SS18: variants seen among roughly 807,000 people sequenced by gnomAD.
SS18 encodes SS18 subunit of BAF chromatin remodeling complex.
In SS18, 28 loss-of-function variants were observed where a neutral mutation model predicts 72.5. The observed-to-expected ratio is 0.39, with a 90% CI of 0.29 to 0.53. The LOEUF (loss-of-function observed/expected upper bound fraction) is 0.53, where lower values mean the gene tolerates loss of function less well. SS18 is among the 20% of genes least tolerant of loss of function. SS18 has a pLI of 0.76. For missense variants in SS18, 518 were observed against 535.3 expected (o/e 0.97, Z 0.32); for synonymous variants, 172 against 164.2 (o/e 1.05, Z -0.37).
intron 3 of SS18, among the ~76,000 whole-genome samples, chr18:26,071,642 G>A (rs2054311204): frequency 6.6e-6 from 1 of 152,048 alleles, no homozygotes; most frequent in Non-Finnish European, 1.5e-5. Flanking sequence ...ACTAGCCCGG[G>A]CGATATAAGA....
At chr18:26,070,573 G>A (rs1448687614) in intron 3 of SS18, among the ~76,000 whole-genome samples, 1 of 152,144 alleles carries the variant, frequency 6.6e-6, no homozygotes, top group African/African-American at 2.4e-5. Context: ...AAATGCCTAA[G>A]TGTTAGTGCA....
At position 26,016,628 on chromosome 18, in the gene SS18, CAGG is replaced by C. The variant is rs1343065101; in HGVS notation, c.*1723_*1725del. ...ATCCCAGCTACTCAGGAGGCTGAGGCAGGAGAACTGCTTGAACCTGGGAGGCGG... is the reference window on the plus strand; with the variant it reads ...ATCCCAGCTACTCAGGAGGCTGAGGCAGAACTGCTTGAACCTGGGAGGCGG... On this transcript the variant is annotated 3_prime_UTR_variant, in exon 11 of 11. Transcript: ENST00000415083. 3 of 186,062 alleles carry C rather than the reference CAGG, an allele frequency of 1.6e-5. No individual in the cohort carries two copies. Among genetic ancestry groups the C allele is most frequent in the African/African-American group, 7.0e-5 (3 of 42,632 alleles). 11.5% of individuals were successfully genotyped at this position (186,062 alleles called of 1,614,324 possible). A position where few individuals can be genotyped will look rare whatever the true frequency, so the allele number is the denominator to read the frequency against.
chr18:26,053,413 A>G lies in SS18; in HGVS notation c.386-568T>C, dbSNP rs191241308. On this transcript the variant is annotated intron_variant, in intron 4 of 10. Transcript: ENST00000415083. ...AGAATTTCAAAAAGGAGAATTTTAA[A>G]AATAATAATGGAAGGACCTTCTTAA... Among the ~76,000 whole-genome samples the G allele has an allele frequency of 2.3e-3, 343 of 151,068 alleles. 5 individuals are homozygous for G. Among genetic ancestry groups the G allele is most frequent in the African/African-American group, 6.2e-3 (249 of 40,462 alleles).
chr18:26,026,643 G>A (rs1236871879), intron 10 of SS18, among the ~76,000 whole-genome samples: 1 of 152,052 alleles, frequency 6.6e-6, no homozygotes, highest in Non-Finnish European at 1.5e-5. Flanking sequence ...GAGGCAAGCA[G>A]GAGGGTGGGG....
chr18:26,041,450 A>G (rs1180199443), intron 5 of SS18, among the ~76,000 whole-genome samples: 2 of 152,300 alleles, frequency 1.3e-5, no homozygotes, highest in Admixed American at 6.5e-5. Flanking sequence ...ACAAAACACG[A>G]AACAAATTCA....
In SS18 at chr18:26,017,849, C is replaced by T; in HGVS notation, c.*505G>A. On this transcript the variant is annotated 3_prime_UTR_variant, in exon 11 of 11. Coordinates refer to ENST00000415083, the MANE Select transcript of SS18 (RefSeq NM_001007559.3). ...AAAACAATCAAGCATCTACCATGTTCCAGTCCACATTAACAGAGGATTTCT... is the reference window on the plus strand; with the variant it reads ...AAAACAATCAAGCATCTACCATGTTTCAGTCCACATTAACAGAGGATTTCT... 4.4e-6 allele frequency: 1 copy of T among 228,926 alleles called. No individual in the cohort carries two copies. Among genetic ancestry groups the T allele is most frequent in the East Asian group, 6.3e-5 (1 of 15,796 alleles). 14.2% of individuals were successfully genotyped at this position (228,926 alleles called of 1,614,324 possible).
chr18:26,025,429 C>T (rs910023160), intron 10 of SS18, among the ~76,000 whole-genome samples: 3 of 151,834 alleles, frequency 2.0e-5, no homozygotes, highest in African/African-American at 4.8e-5. Context: ...TAAATAAAAT[C>T]GAGCTGCTTT....
intron 7 of SS18, among the ~76,000 whole-genome samples, chr18:26,036,872 T>C (rs1384207864): frequency 2.0e-5 from 3 of 152,270 alleles, no homozygotes; most frequent in Middle Eastern, 6.8e-3. Flanking sequence ...TAAAATTTTA[T>C]TGGAATACAG....
intron 3 of SS18, among the ~76,000 whole-genome samples, chr18:26,076,098 C>T (rs1026339214): frequency 6.6e-6 from 1 of 151,782 alleles, no homozygotes; most frequent in Non-Finnish European, 1.5e-5. Flanking sequence ...ATGCAATGCT[C>T]ACGATTTGGA....
chr18:26,083,050 T>G (rs1200822616), intron 2 of SS18, among the ~76,000 whole-genome samples: 1 of 151,980 alleles, frequency 6.6e-6, no homozygotes, highest in African/African-American at 2.4e-5. Context: ...AGAGGAGGAG[T>G]TGTTTTTCTC....
chr18:26,088,397 C>T (rs964061242), intron 1 of SS18, among the ~76,000 whole-genome samples: 1 of 152,092 alleles, frequency 6.6e-6, no homozygotes, highest in Non-Finnish European at 1.5e-5. Flanking sequence ...TTTATAACAG[C>T]ATGGTTTTGT....
intron 10 of SS18, among the ~76,000 whole-genome samples, chr18:26,027,669 TCTAAAA>T (rs1232156511): frequency 7.2e-5 from 3 of 41,438 alleles, no homozygotes; most frequent in African/African-American, 3.6e-4. Context: ...GCGAGACTCA[TCTAAAA>T]AAAAAAAAAA....
chr18:26,082,207 G>C (rs1195035811), intron 2 of SS18, among the ~76,000 whole-genome samples: 1 of 152,088 alleles, frequency 6.6e-6, no homozygotes, highest in Non-Finnish European at 1.5e-5. Context: ...AAATACTCAT[G>C]ATTATTAACC....
intron 7 of SS18, among the ~76,000 whole-genome samples, chr18:26,038,136 A>G (rs1045747825): frequency 4.6e-5 from 7 of 152,170 alleles, no homozygotes; most frequent in Non-Finnish European, 7.4e-5. Context: ...ACTTGGAAAA[A>G]TAACTTGAGA....
chr18:26,042,893 T>C (rs1461005812), intron 5 of SS18, among the ~76,000 whole-genome samples: 2 of 152,150 alleles, frequency 1.3e-5, no homozygotes, highest in African/African-American at 2.4e-5. Flanking sequence ...ATATAGAACA[T>C]TCATACATAT....
intron 3 of SS18, among the ~76,000 whole-genome samples, chr18:26,059,427 C>A (rs1249790793): frequency 6.6e-6 from 1 of 152,114 alleles, no homozygotes; most frequent in African/African-American, 2.4e-5. Context: ...AATAAATTTC[C>A]AGAGAGAAAG....
chr18:26,032,765 C>T (rs574533870), intron 9 of SS18, among the ~76,000 whole-genome samples: 5 of 152,154 alleles, frequency 3.3e-5, no homozygotes, highest in African/African-American at 1.2e-4. Flanking sequence ...CTAGCCATTA[C>T]AAAATATATT....
intron 10 of SS18, among the ~76,000 whole-genome samples, chr18:26,026,614 G>A (rs2053450673): frequency 6.6e-6 from 1 of 151,962 alleles, no homozygotes; most frequent in Non-Finnish European, 1.5e-5. Flanking sequence ...TATTTAACAT[G>A]GTATTGGAGT....
intron 3 of SS18, among the ~76,000 whole-genome samples, chr18:26,061,439 C>A (rs1241962628): frequency 6.6e-6 from 1 of 152,124 alleles, no homozygotes; most frequent in African/African-American, 2.4e-5. Context: ...ATTAAGAAAT[C>A]ATTAGTTTAG....
Sources: allele counts gnomAD v4.1 joint callset (sites outside exome capture counted in the v4.1 genomes callset), GRCh38; gene constraint gnomAD v4.1.1; transcripts MANE v1.5; gene names NCBI Gene and HGNC (gene_info 2026-07-23, HGNC 2026-07-21).